The following ZDHHC14 variants were observed in gnomAD, a reference collection of about 807,000 sequenced individuals.
ZDHHC14 encodes zDHHC palmitoyltransferase 14.
In ZDHHC14, 16 loss-of-function variants were observed where a neutral mutation model predicts 47.7. That is an observed-to-expected ratio of 0.34 (90% CI 0.23 to 0.51). The LOEUF is 0.51. Among genes scored for constraint, ZDHHC14 ranks in the 20% least tolerant of loss-of-function variants. The probability of loss-of-function intolerance (pLI) is 0.97; values close to 1 mark genes in which losing one functional copy is unlikely to be tolerated. For synonymous variants in ZDHHC14, 293 were observed against 278.9 expected (o/e 1.05, Z -0.50); for missense variants, 515 against 662.5 (o/e 0.78, Z 2.44).
chr6:157,610,003 A>G (rs1438688164), intron 3 of ZDHHC14, among the ~76,000 whole-genome samples: 1 of 152,202 alleles, frequency 6.6e-6, no homozygotes, highest in Non-Finnish European at 1.5e-5. Context: ...TGTGGGGTGA[A>G]TCATTGAAGT....
At chr6:157,571,232 G>A (rs1401622850) in intron 2 of ZDHHC14, among the ~76,000 whole-genome samples, 2 of 152,178 alleles carry the variant, frequency 1.3e-5, no homozygotes, top group South Asian at 2.1e-4. Flanking sequence ...AGCATTCCTT[G>A]AATGAAACGT....
At chr6:157,386,269 G>A (rs1406583508) in intron 1 of ZDHHC14, among the ~76,000 whole-genome samples, 1 of 152,162 alleles carries the variant, frequency 6.6e-6, no homozygotes, top group Non-Finnish European at 1.5e-5. Flanking sequence ...CACTTTGGGA[G>A]GCCGAGGCAG....
Position 157,674,509 on chromosome 6 carries a change from G to A in ZDHHC14, c.*1387G>A, listed in dbSNP as rs912560266. On this transcript the variant is annotated 3_prime_UTR_variant, in exon 9 of 9. Transcript: ENST00000359775. ...TGTGTCACTATGGGGGCAGCCACAG[G>A]GGACACAGCAACTCCTCTCCTGGCT... 3 of 152,184 alleles carry A rather than the reference G, an allele frequency of 2.0e-5. No individual in the cohort carries two copies. The highest frequency in any genetic ancestry group is 2.9e-5 in the Non-Finnish European group (2 of 68,062). The allele number at this position is 152,184 out of a possible 1,614,324, so 9.4% of individuals were successfully genotyped here.
chr6:157,535,698 CG>C (rs1408615326), intron 1 of ZDHHC14, among the ~76,000 whole-genome samples: 3 of 152,144 alleles, frequency 2.0e-5, no homozygotes, highest in Admixed American at 2.0e-4. Context: ...TTTCCAGGCA[CG>C]GGGTCCTGCC....
At chr6:157,672,655 ATCCCT>A in intron 8 of ZDHHC14, 64 bp from the exon 9 acceptor site, 1 of 259,526 alleles carries the variant, frequency 3.9e-6, no homozygotes, top group Non-Finnish European at 6.6e-6. Flanking sequence ...CCCTGTCCCC[ATCCCT>A]GTCCCTCCCC....
At chr6:157,533,598 T>C (rs1231195807) in intron 1 of ZDHHC14, among the ~76,000 whole-genome samples, 2 of 152,036 alleles carry the variant, frequency 1.3e-5, no homozygotes, top group Non-Finnish European at 2.9e-5. Flanking sequence ...GGGAGGAAGA[T>C]GAGGTCAAAG....
rs114750018 is a variant in ZDHHC14, at chr6:157,650,204, A to C, written c.965+2836A>C. ...GCGTGGGCCGCCCAAGAGTAGGTCT[A>C]AGCTGTGAACTCTCCCAAGGGTGAG... On this transcript the variant is annotated intron_variant, in intron 7 of 8. Transcript: ENST00000359775. Among the ~76,000 whole-genome samples, 462 of 152,280 alleles carry C rather than the reference A, an allele frequency of 3.0e-3. 4 individuals carry two copies. The highest frequency in any genetic ancestry group is 0.01 in the African/African-American group (421 of 41,534).
intron 3 of ZDHHC14, among the ~76,000 whole-genome samples, chr6:157,599,742 T>A (rs578067714): frequency 1.3e-5 from 2 of 152,304 alleles, no homozygotes; most frequent in South Asian, 4.1e-4. Flanking sequence ...AAACAATGAC[T>A]TAGAAAACAG....
At chr6:157,548,104 CAAA>C (rs559113398) in intron 2 of ZDHHC14, among the ~76,000 whole-genome samples, 6 of 143,696 alleles carry the variant, frequency 4.2e-5, no homozygotes, top group African/African-American at 1.5e-4. Flanking sequence ...CACCCCTCCC[CAAA>C]AAAAAAAAAT....
intron 1 of ZDHHC14, among the ~76,000 whole-genome samples, chr6:157,399,459 G>T (rs1228272527): frequency 6.6e-6 from 1 of 152,182 alleles, no homozygotes; most frequent in African/African-American, 2.4e-5. Flanking sequence ...CCCTGTCTTC[G>T]GGCGGGCTTA....
Position 157,628,499 on chromosome 6 carries a change from G to T in ZDHHC14, c.703+13G>T. 8.1e-6 allele frequency: 13 copies of T among 1,607,828 alleles called. No homozygotes were observed. Among genetic ancestry groups the T allele is most frequent in the Non-Finnish European group, 1.1e-5 (13 of 1,178,684 alleles). On this transcript the variant is annotated intron_variant, in intron 4 of 8. Transcript: ENST00000359775. ...CACGTCATTCTTCGTAAGTATGCTG[G>T]CGAAATCAGATTACGTATGTAACCA...
At chr6:157,621,744 A>G (rs532891896) in intron 3 of ZDHHC14, among the ~76,000 whole-genome samples, 6 of 152,322 alleles carry the variant, frequency 3.9e-5, no homozygotes, top group African/African-American at 1.4e-4. Context: ...TTCGATCTCC[A>G]GCAGCCTTCA....
intron 2 of ZDHHC14, among the ~76,000 whole-genome samples, chr6:157,546,586 G>C (rs1002567409): frequency 3.3e-5 from 5 of 152,148 alleles, no homozygotes; most frequent in Non-Finnish European, 7.4e-5. Context: ...TTAGGGTGCA[G>C]CTAAAAAGAC....
chr6:157,660,295 C>T lies in ZDHHC14; in HGVS notation c.1068+6668C>T, dbSNP rs572085705. Among the ~76,000 whole-genome samples the T allele has an allele frequency of 4.1e-4, 62 of 151,786 alleles. 1 individual carries two copies. The highest frequency in any genetic ancestry group is 1.3e-3 in the African/African-American group (54 of 41,358). ...GCAACCTCCACCTCCCGAGTTCAAG[C>T]GATTCTCCTGTCTCAGCCTCCCAAA... is the stretch of plus-strand genomic sequence containing the variant. On this transcript the variant is annotated intron_variant, in intron 8 of 8. Coordinates refer to ENST00000359775, the MANE Select transcript of ZDHHC14 (RefSeq NM_024630.3).
intron 1 of ZDHHC14, among the ~76,000 whole-genome samples, chr6:157,398,829 G>A (rs2114743611): frequency 6.6e-6 from 1 of 152,328 alleles, no homozygotes; most frequent in East Asian, 1.9e-4. Flanking sequence ...ATGGCTTATT[G>A]CATCTCCACT....
intron 2 of ZDHHC14, among the ~76,000 whole-genome samples, chr6:157,551,154 G>A (rs1258256386): frequency 6.6e-6 from 1 of 152,174 alleles, no homozygotes; most frequent in Non-Finnish European, 1.5e-5. Context: ...CCCAGCCAAG[G>A]GCATCAAGAG....
intron 1 of ZDHHC14, among the ~76,000 whole-genome samples, chr6:157,455,971 G>A (rs944812143): frequency 6.6e-6 from 1 of 152,182 alleles, no homozygotes; most frequent in African/African-American, 2.4e-5. Context: ...ACTTGTGGGG[G>A]AAAGAAGAGA....
At chr6:157,626,890 T>TGGGGG (rs113464326) in intron 3 of ZDHHC14, among the ~76,000 whole-genome samples, 4 of 135,298 alleles carry the variant, frequency 3.0e-5, no homozygotes, top group African/African-American at 8.0e-5. Context: ...CTTTTCCAGC[T>TGGGGG]GGGGGGGGGG....
chr6:157,569,705 G>C (rs1783028980), intron 2 of ZDHHC14, among the ~76,000 whole-genome samples: 1 of 152,120 alleles, frequency 6.6e-6, no homozygotes. Flanking sequence ...GCAGGAAGCA[G>C]AGTGTCTCTC....
Sources: gnomAD v4.1 joint callset for allele counts (sites outside exome capture counted in the v4.1 genomes callset) on GRCh38, gnomAD v4.1.1 for gene constraint, MANE v1.5 for transcripts, NCBI Gene and HGNC (gene_info 2026-07-23, HGNC 2026-07-21) for gene names.